The following PRIM2 variants were observed in gnomAD, a reference collection of about 807,000 sequenced individuals.
PRIM2 encodes DNA primase large subunit.
In PRIM2, 39 loss-of-function variants were observed where a neutral mutation model predicts 67.3. The observed-to-expected ratio is 0.58, with a 90% CI of 0.45 to 0.76. The LOEUF (loss-of-function observed/expected upper bound fraction) is 0.76. Among genes scored for constraint, PRIM2 ranks in the 30% least tolerant of loss-of-function variants. The pLI is 0.00. For synonymous variants in PRIM2, 143 were observed against 198.7 expected, an observed-to-expected ratio of 0.72 and a Z score of 2.36; for missense variants, 398 against 598.7, an observed-to-expected ratio of 0.66 and a Z score of 3.50.
At chr6:57,627,279 CAAAAAAAAAAA>C (rs1158722297) in intron 12 of PRIM2, among the ~76,000 whole-genome samples, 8,425 of 24,226 alleles carry the variant, frequency 0.35, 517 homozygotes, top group African/African-American at 0.42. Context: ...GACTCTGTCT[CAAAAAAAAAAA>C]AAAAAAAAAA....
At chr6:57,513,534 C>T (rs1369666780) in intron 8 of PRIM2, among the ~76,000 whole-genome samples, 1 of 152,020 alleles carries the variant, frequency 6.6e-6, no homozygotes. Context: ...GTATCTTCCT[C>T]CTTTATCCCT....
the PRIM2 span, chr6:57,222,279 A>G: frequency 2.6e-5 from 4 of 152,126 alleles, no homozygotes; most frequent in Non-Finnish European, 2.9e-5. Flanking sequence ...GACTCCCCTC[A>G]TCTGTGGACC....
chr6:57,532,886 A>G (rs1479304033), intron 9 of PRIM2, among the ~76,000 whole-genome samples: 1 of 152,112 alleles, frequency 6.6e-6, no homozygotes, highest in Admixed American at 6.6e-5. Flanking sequence ...GATCAAAGGG[A>G]TAGTAGGTTT....
At chr6:57,483,357 T>A (rs1257862234) in intron 7 of PRIM2, among the ~76,000 whole-genome samples, 3 of 152,188 alleles carry the variant, frequency 2.0e-5, no homozygotes, top group Non-Finnish European at 4.4e-5. Context: ...GCCAACAGCA[T>A]TAACAATATG....
chr6:57,602,111 G>GTTGCAATTCTTGT (rs1324184676), intron 11 of PRIM2, among the ~76,000 whole-genome samples: 11 of 150,226 alleles, frequency 7.3e-5, no homozygotes. Flanking sequence ...CCAGGCTGGA[G>GTTGCAATTCTTGT]TGCAATGGCG....
intron 12 of PRIM2, among the ~76,000 whole-genome samples, chr6:57,616,034 G>A (rs1421878392): frequency 6.6e-6 from 1 of 152,168 alleles, no homozygotes; most frequent in African/African-American, 2.4e-5. Flanking sequence ...TCTAAAAGTT[G>A]TAGTTCATTG....
upstream of PRIM2, among the ~76,000 whole-genome samples, chr6:57,311,423 C>A (rs145945901): frequency 0.031 from 4,679 of 149,816 alleles, 232 homozygotes; most frequent in African/African-American, 0.11. Context: ...CTCTTCACTT[C>A]CCATTCGGGG....
chr6:57,285,708 G>T, the PRIM2 span, among the ~76,000 whole-genome samples: 2 of 152,118 alleles, frequency 1.3e-5, no homozygotes, highest in African/African-American at 4.8e-5. Context: ...ACAAGAACAG[G>T]ATGCCCTCTC....
intron 7 of PRIM2, among the ~76,000 whole-genome samples, chr6:57,487,494 G>T (rs1773781338): frequency 6.6e-6 from 1 of 152,204 alleles, no homozygotes; most frequent in Non-Finnish European, 1.5e-5. Context: ...TTCCCAAAGT[G>T]CTGGGATTAC....
intron 5 of PRIM2, among the ~76,000 whole-genome samples, chr6:57,332,839 C>T (rs1359681345): frequency 6.6e-6 from 1 of 151,984 alleles, no homozygotes; most frequent in Non-Finnish European, 1.5e-5. Flanking sequence ...AAGTCTCTGA[C>T]TTTTGCATGG....
At chr6:57,541,500 G>A (rs1421637935) in intron 10 of PRIM2, among the ~76,000 whole-genome samples, 3 of 152,250 alleles carry the variant, frequency 2.0e-5, no homozygotes, top group Admixed American at 6.5e-5. Flanking sequence ...TTAATCAGCT[G>A]TTTATGTTAT....
chr6:57,345,472 A>ATGTGTGTGTGTG (rs1330350650), intron 5 of PRIM2, among the ~76,000 whole-genome samples: 2 of 79,838 alleles, frequency 2.5e-5, no homozygotes, highest in Non-Finnish European at 5.1e-5. Flanking sequence ...TGATATATAT[A>ATGTGTGTGTGTG]TATGTGTGTG....
the PRIM2 span, among the ~76,000 whole-genome samples, chr6:57,236,310 A>T: frequency 6.7e-6 from 1 of 148,714 alleles, no homozygotes. Flanking sequence ...TCACTCACCT[A>T]GACAAGTGTG....
chr6:57,517,262 G>A (rs1283414150), intron 8 of PRIM2, among the ~76,000 whole-genome samples: 1 of 152,132 alleles, frequency 6.6e-6, no homozygotes, highest in Non-Finnish European at 1.5e-5. Context: ...ATTTTACACT[G>A]TGTTAGTCAT....
At chr6:57,342,866 A>T (rs1768537454) in intron 5 of PRIM2, among the ~76,000 whole-genome samples, 1 of 152,216 alleles carries the variant, frequency 6.6e-6, no homozygotes. Context: ...GTTTATTTAA[A>T]AGTAGTTTTT....
At chr6:57,444,587 T>G (rs1002777655) in intron 7 of PRIM2, among the ~76,000 whole-genome samples, 2 of 151,102 alleles carry the variant, frequency 1.3e-5, no homozygotes, top group Non-Finnish European at 2.9e-5. Flanking sequence ...AAAAAAATTA[T>G]GGTATTATAA....
At chr6:57,459,852 G>A (rs1174195854) in intron 7 of PRIM2, among the ~76,000 whole-genome samples, 3 of 152,084 alleles carry the variant, frequency 2.0e-5, no homozygotes, top group Admixed American at 6.5e-5. Flanking sequence ...CCTTCACAGT[G>A]CCACCTCGAT....
At chr6:57,393,000 T>TTA (rs66531304) in intron 7 of PRIM2, among the ~76,000 whole-genome samples, 38,505 of 149,904 alleles carry the variant, frequency 0.26, 5,292 homozygotes, top group African/African-American at 0.31. Context: ...GTATTCCTTA[T>TTA]TATATATATA....
chr6:57,274,307 C>T, the PRIM2 span, among the ~76,000 whole-genome samples: 2 of 151,550 alleles, frequency 1.3e-5, no homozygotes, highest in Admixed American at 1.3e-4. Flanking sequence ...CTTTGTTTAC[C>T]TAATCAAGTC....
Sources: allele counts gnomAD v4.1 joint callset (sites outside exome capture counted in the v4.1 genomes callset), GRCh38; gene constraint gnomAD v4.1.1; transcripts MANE v1.5; gene names NCBI Gene and HGNC (gene_info 2026-07-23, HGNC 2026-07-21).